AGBL5: variants seen among roughly 807,000 people sequenced by gnomAD.
AGBL5 encodes AGBL carboxypeptidase 5.
AGBL5 carries 51 observed loss-of-function variants against 88.0 expected under a neutral mutation model. The observed-to-expected ratio is 0.58, with a 90% confidence interval of 0.46 to 0.73. The LOEUF (loss-of-function observed/expected upper bound fraction) is 0.73. Among genes scored for constraint, AGBL5 ranks in the 30% least tolerant of loss-of-function variants. The pLI, the probability that AGBL5 is intolerant of heterozygous loss-of-function variation, is 0.00. For synonymous variants in AGBL5, 446 were observed against 438.8 expected, an observed-to-expected ratio of 1.02 and a Z score of -0.21; for missense variants, 1,031 against 1,162.2, an observed-to-expected ratio of 0.89 and a Z score of 1.64.
intron 13 of AGBL5, chr2:27,069,294 T>C: frequency 4.0e-5 from 39 of 985,412 alleles, no homozygotes; most frequent in Non-Finnish European, 4.7e-5. Flanking sequence ...ACAGTGTTTC[T>C]CTACTCACCC....
At chr2:27,067,962 G>A (rs1401664097) in intron 12 of AGBL5, 1 of 420,496 alleles carries the variant, frequency 2.4e-6, no homozygotes, top group East Asian at 5.4e-5. Context: ...GACTCCAGGA[G>A]CTGGGCAACA....
intron 11 of AGBL5, among the ~76,000 whole-genome samples, chr2:27,060,606 G>A (rs1668666983): frequency 6.6e-6 from 1 of 152,144 alleles, no homozygotes; most frequent in African/African-American, 2.4e-5. Flanking sequence ...CTAGCTGTTG[G>A]TACAGACCAG....
Position 27,058,498 on chromosome 2 carries a change from G to A in AGBL5, c.1770G>A (p.Arg590=), listed in dbSNP as rs778944243. 1 of 1,614,134 alleles carries A rather than the reference G, an allele frequency of 6.2e-7. No individual in the cohort carries two copies. Among genetic ancestry groups the A allele is most frequent in the Non-Finnish European group, 8.5e-7 (1 of 1,180,042 alleles). ...LSEHSSLTNL[R]AWMLKHVRNS... is the part of the protein sequence containing the mutation. ...AGCACAGCAGCCTTACTAATCTACG[G>A]GCCTGGATGCTGAAACATGTACGCA... The change falls in exon 10 of 15, where the codon CGG becomes CGA. Residue 590 remains arginine (R), a synonymous_variant. Transcript: ENST00000360131.
Position 27,055,924 on chromosome 2 carries a change from A to G in AGBL5, c.1151A>G (p.His384Arg). Reference protein sequence around the residue: ...EAQCGHSADRHNAEAWKQTEP... With the variant: ...EAQCGHSADRRNAEAWKQTEP... ...CAGTGTGGGCACTCAGCTGACAGGC[A>G]TAACGCTGAAGCCTGGAAACAAACA... The change falls in exon 7 of 15, where the codon CAT (histidine) becomes CGT (arginine). Residue 384 changes from histidine to arginine, a missense_variant. This residue lies in a region of AGBL5 where 540 missense variants were observed against 678.2 expected (regional missense o/e 0.80). Coordinates refer to ENST00000360131, the MANE Select transcript of AGBL5 (RefSeq NM_021831.6). 6.2e-7 allele frequency: 1 copy of G among 1,614,232 alleles called. No individual in the cohort carries two copies. The highest frequency in any genetic ancestry group is 8.5e-7 in the Non-Finnish European group (1 of 1,180,040).
intron 11 of AGBL5, among the ~76,000 whole-genome samples, chr2:27,065,733 T>C (rs1046444498): frequency 1.3e-5 from 2 of 152,124 alleles, no homozygotes; most frequent in Non-Finnish European, 2.9e-5. Context: ...TTGCCTGTAA[T>C]GGTCAAGTAA....
Position 27,054,925 on chromosome 2 carries a change from C to T in AGBL5, c.729+118C>T, listed in dbSNP as rs546380075. 339 of 1,492,030 alleles carry T rather than the reference C, an allele frequency of 2.3e-4. 1 individual carries two copies. In the African/African-American group the frequency reaches 4.1e-3, roughly 18 times the overall value. 92.4% of individuals were successfully genotyped at this position (1,492,030 alleles called of 1,614,324 possible). A position where few individuals can be genotyped will look rare whatever the true frequency, so the allele number is the denominator to read the frequency against. ...GGACATGGCCTCCGCCCGCAGCGTG[C>T]GGCAAGGGTGATGGCCCCTGCTCCA... On this transcript the variant is annotated intron_variant, in intron 5 of 14. Transcript: ENST00000360131.
At chr2:27,059,607 G>T in intron 11 of AGBL5, 1 of 1,233,452 alleles carries the variant, frequency 8.1e-7, no homozygotes. Context: ...GTGGCCAGAG[G>T]GGGAAGTCTG....
At chr2:27,055,006 C>A (rs1461971586) in intron 5 of AGBL5, 69 bp from the exon 6 acceptor site, 1 of 1,533,408 alleles carries the variant, frequency 6.5e-7, no homozygotes, top group Non-Finnish European at 8.9e-7. Context: ...ATCCATGACA[C>A]CCCCCATATA....
At chr2:27,066,825 C>G (rs1414534923) in intron 11 of AGBL5, among the ~76,000 whole-genome samples, 1 of 152,048 alleles carries the variant, frequency 6.6e-6, no homozygotes, top group African/African-American at 2.4e-5. Context: ...TCACACCTAT[C>G]TGTAATCCCA....
At chr2:27,069,271 A>G in intron 13 of AGBL5, 1 of 985,390 alleles carries the variant, frequency 1.0e-6, no homozygotes, top group Non-Finnish European at 1.2e-6. Context: ...CCAACCCTCC[A>G]CTATCTTTCT....
At chr2:27,058,634 T>C (rs544554344) in intron 10 of AGBL5, 32 bp downstream of exon 10, 16 of 1,607,382 alleles carry the variant, frequency 1.0e-5, no homozygotes, top group Non-Finnish European at 1.2e-5. Context: ...GGAGAAAGGG[T>C]AGGACAGTGG....
At chr2:27,050,890 C>T (rs1287881741), upstream of AGBL5, 1 of 152,144 alleles carries the variant, frequency 6.6e-6, no homozygotes, top group African/African-American at 2.4e-5. Flanking sequence ...TAATTTTTAA[C>T]CTCAATTTAA....
chr2:27,051,281 C>G (rs778092305), upstream of AGBL5: 1 of 152,212 alleles, frequency 6.6e-6, no homozygotes, highest in African/African-American at 2.4e-5. Flanking sequence ...ATGCCCGCAT[C>G]CTCCACTCAG....
At chr2:27,051,349 C>T (rs911648369), upstream of AGBL5, 1 of 152,208 alleles carries the variant, frequency 6.6e-6, no homozygotes, top group Non-Finnish European at 1.5e-5. Context: ...GCGCAGTGGG[C>T]TACGTGTTTC....
Position 27,070,174 on chromosome 2 carries a change from T to C in AGBL5, c.2572T>C (p.Trp858Arg), listed in dbSNP as rs1207944062. 3.7e-6 allele frequency: 6 copies of C among 1,614,234 alleles called. No individual in the cohort carries two copies. The highest frequency in any genetic ancestry group is 5.1e-6 in the Non-Finnish European group (6 of 1,180,042). ...CTGTAGTCTATCTGACTCCCCATCC[T>C]GGAATTGTTACAGCAGGGGTCCCTT... is the stretch of plus-strand genomic sequence containing the variant. ...ISCSLSDSPS[W>R]NCYSRGPLGQ... Residue 858 changes from tryptophan (W) to arginine (R), a missense_variant, in exon 15 of 15, where the codon TGG becomes CGG. Transcript: ENST00000360131.
chr2:27,050,450 A>G (rs1246733642), upstream of AGBL5, among the ~76,000 whole-genome samples: 1 of 152,230 alleles, frequency 6.6e-6, no homozygotes, highest in African/African-American at 2.4e-5. Context: ...CTGTGAGTGC[A>G]GGTACCGCGG....
In AGBL5 at chr2:27,054,768, T is replaced by TA; in HGVS notation, c.691dup (p.Thr231AsnfsTer20). The TA allele has an allele frequency of 6.2e-7, 1 of 1,613,664 alleles. No individual in the cohort carries two copies. Among genetic ancestry groups the TA allele is most frequent in the Non-Finnish European group, 8.5e-7 (1 of 1,180,026 alleles). On this transcript the variant is annotated frameshift_variant, in exon 5 of 15. Coordinates refer to ENST00000360131, the MANE Select transcript of AGBL5 (RefSeq NM_021831.6). LOFTEE classifies it high-confidence loss of function. ...CCCGTCTAGAGCAGCTATTTCCTGATACCAGCACCCCTCGACCATTCCGTT... is the reference window on the plus strand; with the variant it reads ...CCCGTCTAGAGCAGCTATTTCCTGATAACCAGCACCCCTCGACCATTCCGTT...
chr2:27,053,968 G>T lies in AGBL5; in HGVS notation c.460G>T (p.Ala154Ser). ...VEGRGATTFF[A>S]FCYPFSYSDC... Reference sequence around the variant, plus strand: ...GGGCCGTGGGGCCACCACCTTCTTCGCCTTCTGCTACCCCTTCTCCTACAG... The same window carrying T: ...GGGCCGTGGGGCCACCACCTTCTTCTCCTTCTGCTACCCCTTCTCCTACAG... The change falls in exon 4 of 15, where the codon GCC becomes TCC. Residue 154 changes from alanine to serine, a missense_variant. Physicochemically the swap from Ala to Ser is moderately conservative, Grantham distance 99 (BLOSUM62 1). This residue lies in a region of AGBL5 where 540 missense variants were observed against 678.2 expected (regional missense o/e 0.80). Coordinates refer to ENST00000360131, the MANE Select transcript of AGBL5 (RefSeq NM_021831.6). The surrounding 1 kb of genome is among the most constrained non-coding windows in gnomAD (Gnocchi z 4.9). 2 of 1,614,092 alleles carry T rather than the reference G, an allele frequency of 1.2e-6. No individual in the cohort carries two copies. Among genetic ancestry groups the T allele is most frequent in the Non-Finnish European group, 1.7e-6 (2 of 1,180,006 alleles).
Position 27,059,394 on chromosome 2 carries a change from C to A in AGBL5, c.2079C>A (p.Gly693=), listed in dbSNP as rs2148286341. The A allele has an allele frequency of 6.2e-7, 1 of 1,614,214 alleles. No individual in the cohort carries two copies. Among genetic ancestry groups the A allele is most frequent in the Non-Finnish European group, 8.5e-7 (1 of 1,180,034 alleles). ...AAAAGGTCACCCACCGGGTGCTGGG[C>A]CCCGTCAGAGGTAAGCCAGTCTGGG... ...STQKVTHRVL[G]PVREPRSQDR... Residue 693 remains glycine (G), a synonymous_variant, in exon 11 of 15, where the codon GGC becomes GGA. Transcript: ENST00000360131.
Sources: allele counts gnomAD v4.1 joint callset (sites outside exome capture counted in the v4.1 genomes callset), GRCh38; gene constraint gnomAD v4.1.1; regional missense constraint gnomAD v4.1.1; non-coding constraint Gnocchi (gnomAD v3.1); transcripts MANE v1.5; gene names NCBI Gene and HGNC (gene_info 2026-07-23, HGNC 2026-07-21).